LPP: variants seen among roughly 807,000 people sequenced by gnomAD.
The protein encoded by LPP is lipoma-preferred partner.
In LPP, 38 loss-of-function variants were observed where a neutral mutation model predicts 60.4. The observed-to-expected ratio is 0.63, with a 90% confidence interval of 0.49 to 0.83. The LOEUF is 0.83. Ranked by LOEUF, LPP falls within the 40% of genes least tolerant of loss-of-function variation. The pLI is 0.00. For missense variants in LPP, 902 were observed against 783.6 expected (o/e 1.15, Z -1.80); for synonymous variants, 328 against 290.8 (o/e 1.13, Z -1.30).
intron 5 of LPP, among the ~76,000 whole-genome samples, chr3:188,494,051 C>T (rs924562738): frequency 3.9e-5 from 6 of 152,070 alleles, no homozygotes; most frequent in Non-Finnish European, 7.4e-5. Context: ...AAACCTTTAT[C>T]TTTTATCTGA....
rs373707750 is a variant in LPP at position 188,838,368 on chromosome 3, A to G, written c.1411-27832A>G. Among the ~76,000 whole-genome samples, 29 of 152,326 alleles carry G rather than the reference A, an allele frequency of 1.9e-4. No homozygotes were observed. The East Asian group carries it at 5.0e-3, about 26-fold the overall frequency. ...CTCATATGCACCTTTTGAAACTCCT[A>G]AACCCATGTTGATTCCCCAAAGGCT... On this transcript the variant is annotated intron_variant, in intron 9 of 11. Transcript: ENST00000617246.
At chr3:188,699,268 G>A (rs1049796656) in intron 7 of LPP, among the ~76,000 whole-genome samples, 1 of 152,184 alleles carries the variant, frequency 6.6e-6, no homozygotes, top group Non-Finnish European at 1.5e-5. Context: ...AGAGGTGGGT[G>A]TGGAGAGACC....
chr3:188,469,785 CACTT>C (rs1801359162), intron 4 of LPP, among the ~76,000 whole-genome samples: 1 of 152,154 alleles, frequency 6.6e-6, no homozygotes, highest in Admixed American at 6.6e-5. Flanking sequence ...ATTCAATAAA[CACTT>C]AACTATATTT....
chr3:188,556,317 C>T (rs1219455630), intron 6 of LPP, among the ~76,000 whole-genome samples: 1 of 151,986 alleles, frequency 6.6e-6, no homozygotes, highest in Non-Finnish European at 1.5e-5. Flanking sequence ...TTAATTAACC[C>T]TTCTGTGTGC....
At chr3:188,711,884 T>C (rs553823403) in intron 8 of LPP, 1 of 152,332 alleles carries the variant, frequency 6.6e-6, no homozygotes, top group African/African-American at 2.4e-5. Context: ...ACTTAGCCTT[T>C]GAGTAAGTCT....
At chr3:188,649,177 CTAAT>C (rs993793769) in intron 7 of LPP, among the ~76,000 whole-genome samples, 4 of 152,092 alleles carry the variant, frequency 2.6e-5, no homozygotes, top group South Asian at 2.1e-4. Context: ...TAGTGAGAAG[CTAAT>C]TAGTTTTTTT....
chr3:188,474,339 T>C (rs1019107653), intron 4 of LPP, among the ~76,000 whole-genome samples: 4 of 151,822 alleles, frequency 2.6e-5, no homozygotes, highest in Non-Finnish European at 5.9e-5. Flanking sequence ...TTGGCTGTAA[T>C]AGAGCTTCAG....
Position 188,745,952 on chromosome 3 carries a change from T to C in LPP, c.1241-14161T>C, listed in dbSNP as rs537035586. On this transcript the variant is annotated intron_variant, in intron 8 of 11. Coordinates refer to ENST00000617246, the MANE Select transcript of LPP (RefSeq NM_001375462.1). ...AGCTATACATGGTAGAGCCGACCCA[T>C]GTCTTCTGACTCTCATCCCGTTGCA... 4.3e-4 allele frequency among the ~76,000 whole-genome samples: 66 copies of C among 152,320 alleles called. 1 individual carries two copies. The highest frequency in any genetic ancestry group is 1.5e-3 in the African/African-American group (61 of 41,574).
chr3:188,313,402 G>T (rs1476650423), intron 2 of LPP, among the ~76,000 whole-genome samples: 2 of 152,108 alleles, frequency 1.3e-5, no homozygotes, highest in Non-Finnish European at 2.9e-5. Context: ...CACTTCGGGT[G>T]GCTGAGGTGG....
At chr3:188,199,903 C>G (rs981497033) in intron 1 of LPP, among the ~76,000 whole-genome samples, 1 of 151,826 alleles carries the variant, frequency 6.6e-6, no homozygotes, top group African/African-American at 2.4e-5. Context: ...TTAGTAGAGA[C>G]GGGGTTTCAC....
intron 4 of LPP, among the ~76,000 whole-genome samples, chr3:188,425,702 T>C (rs1485824107): frequency 6.6e-6 from 1 of 152,236 alleles, no homozygotes; most frequent in Non-Finnish European, 1.5e-5. Flanking sequence ...GCAGAATTTA[T>C]CCATTTCTTC....
At chr3:188,343,425 C>T (rs1220244405) in intron 3 of LPP, among the ~76,000 whole-genome samples, 1 of 152,058 alleles carries the variant, frequency 6.6e-6, no homozygotes, top group African/African-American at 2.4e-5. Context: ...TTTATTTTTA[C>T]GGATAAATAT....
chr3:188,485,796 C>CAAAAAAAAAAAAAAAAAAAAAAA (rs766522013), intron 5 of LPP, among the ~76,000 whole-genome samples: 12 of 40,146 alleles, frequency 3.0e-4, no homozygotes, highest in African/African-American at 9.7e-4. Context: ...GACTCCGTCT[C>CAAAAAAAAAAAAAAAAAAAAAAA]AAAAAAAAAA....
chr3:188,350,689 G>C (rs1177178385), intron 3 of LPP, among the ~76,000 whole-genome samples: 1 of 152,194 alleles, frequency 6.6e-6, no homozygotes, highest in Non-Finnish European at 1.5e-5. Flanking sequence ...AGCAAGGCCT[G>C]GGACCCAGGT....
At chr3:188,598,777 G>A (rs763860647) in intron 6 of LPP, among the ~76,000 whole-genome samples, 7 of 151,930 alleles carry the variant, frequency 4.6e-5, no homozygotes, top group Admixed American at 1.3e-4. Context: ...ACTTATGTGC[G>A]TTTTAATAGC....
intron 4 of LPP, among the ~76,000 whole-genome samples, chr3:188,465,036 AACAAAAGGGGAT>A (rs1432287760): frequency 1.3e-5 from 2 of 152,060 alleles, no homozygotes; most frequent in Admixed American, 1.3e-4. Context: ...AACAAAGTAG[AACAAAAGGGGAT>A]ACCATGATCT....
chr3:188,516,613 T>G (rs1413170211), intron 5 of LPP, among the ~76,000 whole-genome samples: 1 of 139,568 alleles, frequency 7.2e-6, no homozygotes, highest in Non-Finnish European at 1.5e-5. Flanking sequence ...CCCACACACT[T>G]AAATGTTCAT....
chr3:188,385,353 G>A (rs937544967), intron 3 of LPP, among the ~76,000 whole-genome samples: 9 of 152,120 alleles, frequency 5.9e-5, no homozygotes, highest in African/African-American at 2.2e-4. Flanking sequence ...GTGTGGGGGG[G>A]TGTGAAGAGA....
At chr3:188,847,215 G>A (rs1761653612) in intron 9 of LPP, among the ~76,000 whole-genome samples, 1 of 152,188 alleles carries the variant, frequency 6.6e-6, no homozygotes, top group African/African-American at 2.4e-5. Context: ...GTATTTGAGT[G>A]TGAGACTCTT....
Sources: allele counts gnomAD v4.1 joint callset (sites outside exome capture counted in the v4.1 genomes callset), GRCh38; gene constraint gnomAD v4.1.1; transcripts MANE v1.5; gene names NCBI Gene and HGNC (gene_info 2026-07-23, HGNC 2026-07-21).